CPNE4: variants seen among roughly 807,000 people sequenced by gnomAD.
The protein encoded by CPNE4 is copine 4, also known as copine-4.
A neutral mutation model predicts 67.9 loss-of-function variants in CPNE4; 25 were observed. The ratio of observed to expected loss-of-function variants is 0.37; its 90% CI spans 0.27 to 0.51. The LOEUF (loss-of-function observed/expected upper bound fraction) is 0.51. Among genes scored for constraint, CPNE4 ranks in the 20% least tolerant of loss-of-function variants. CPNE4 has a pLI of 0.93. For synonymous variants in CPNE4, 242 were observed against 244.9 expected (o/e 0.99, Z 0.11); for missense variants, 464 against 690.8 (o/e 0.67, Z 3.68).
chr3:131,953,250 A>AT (rs1181307950), intron 1 of CPNE4, among the ~76,000 whole-genome samples: 22 of 141,872 alleles, frequency 1.6e-4, no homozygotes, highest in African/African-American at 5.5e-4. Context: ...AAAAAAAAAA[A>AT]AAAAAAAAAA....
At chr3:131,917,986 G>C (rs375817452) in intron 1 of CPNE4, among the ~76,000 whole-genome samples, 8 of 152,324 alleles carry the variant, frequency 5.3e-5, no homozygotes, top group East Asian at 1.9e-4. Flanking sequence ...TCACAGGCAA[G>C]AGTAATACTC....
chr3:131,803,758 T>G (rs2084214625), intron 2 of CPNE4, among the ~76,000 whole-genome samples: 1 of 152,186 alleles, frequency 6.6e-6, no homozygotes, highest in Admixed American at 6.5e-5. Flanking sequence ...CATAAGGAAC[T>G]AGTGACAATA....
rs559045866 is a variant in CPNE4 at position 131,859,764 on chromosome 3, T to C, written c.180+45500A>G. On this transcript the variant is annotated intron_variant, in intron 2 of 15. Transcript: ENST00000429747. ...GACAAGTGTCCCTGGATTCAGTCTA[T>C]AATTCTGCTGATACCCAAACGTCTT... is the stretch of plus-strand genomic sequence containing the variant. 7.9e-5 allele frequency among the ~76,000 whole-genome samples: 12 copies of C among 152,330 alleles called. No homozygotes were observed. The South Asian group carries it at 2.5e-3, about 32-fold the overall frequency.
At chr3:131,549,914 C>T (rs367889643) in intron 14 of CPNE4, 33 bp downstream of exon 14, 12 of 1,609,980 alleles carry the variant, frequency 7.5e-6, no homozygotes, top group Admixed American at 1.7e-5. Flanking sequence ...GAAGAGTAAG[C>T]TCCCCTTAGG....
At chr3:131,717,878 CTTT>C (rs1560172637) in intron 3 of CPNE4, among the ~76,000 whole-genome samples, 406 of 26,166 alleles carry the variant, frequency 0.016, 39 homozygotes, top group South Asian at 0.092. Context: ...TCTTTCTTTT[CTTT>C]CTTTCTTTCT....
At chr3:131,695,889 G>A (rs2081144815) in intron 5 of CPNE4, among the ~76,000 whole-genome samples, 1 of 152,156 alleles carries the variant, frequency 6.6e-6, no homozygotes, top group Non-Finnish European at 1.5e-5. Context: ...ACATTCTATT[G>A]TGGATATATT....
intron 2 of CPNE4, among the ~76,000 whole-genome samples, chr3:131,772,417 T>C (rs1474792359): frequency 6.6e-6 from 1 of 152,280 alleles, no homozygotes; most frequent in Non-Finnish European, 1.5e-5. Flanking sequence ...TCAGACAGTG[T>C]GTACAGAATG....
At chr3:131,810,643 A>G (rs1481441002) in intron 2 of CPNE4, among the ~76,000 whole-genome samples, 2 of 152,156 alleles carry the variant, frequency 1.3e-5, no homozygotes, top group Non-Finnish European at 2.9e-5. Context: ...TAACAAATTA[A>G]AAATAGATTT....
chr3:131,956,738 C>T (rs9831435), intron 1 of CPNE4, among the ~76,000 whole-genome samples: 107,686 of 152,006 alleles, frequency 0.71, 38,336 homozygotes, highest in Admixed American at 0.81. Context: ...AAAGTTGTAG[C>T]CTTGAATCTT....
intron 7 of CPNE4, among the ~76,000 whole-genome samples, chr3:131,596,692 T>A (rs1938896510): frequency 1.4e-5 from 2 of 147,066 alleles, no homozygotes; most frequent in Admixed American, 1.4e-4. Context: ...TGGATGGGCC[T>A]GATACAATTA....
intron 2 of CPNE4, among the ~76,000 whole-genome samples, chr3:131,842,606 T>C (rs768715392): frequency 7.2e-5 from 11 of 151,956 alleles, no homozygotes; most frequent in Non-Finnish European, 1.5e-4. Flanking sequence ...TACACCAACA[T>C]GATTGTGTTA....
At chr3:131,628,794 CTTT>C (rs1437145183) in intron 7 of CPNE4, among the ~76,000 whole-genome samples, 2 of 152,108 alleles carry the variant, frequency 1.3e-5, no homozygotes, top group Admixed American at 6.5e-5. Context: ...CTCTTTTCTT[CTTT>C]ATTAGTCTTG....
intron 2 of CPNE4, among the ~76,000 whole-genome samples, chr3:131,875,977 A>G (rs2087428405): frequency 6.6e-6 from 1 of 152,200 alleles, no homozygotes; most frequent in South Asian, 2.1e-4. Context: ...TTTTCATTGT[A>G]AATACTCAGT....
chr3:131,697,175 A>G (rs1242336222), intron 4 of CPNE4, among the ~76,000 whole-genome samples: 1 of 152,238 alleles, frequency 6.6e-6, no homozygotes, highest in Non-Finnish European at 1.5e-5. Flanking sequence ...AGATTTTGGT[A>G]TAAGTGAAGA....
At chr3:131,607,272 G>T (rs944759974) in intron 7 of CPNE4, among the ~76,000 whole-genome samples, 3 of 151,186 alleles carry the variant, frequency 2.0e-5, no homozygotes, top group Non-Finnish European at 4.4e-5. Context: ...GATTTTGGCA[G>T]TGTTAAGCAG....
Position 131,564,230 on chromosome 3 carries a change from G to A in CPNE4, c.1047C>T (p.Cys349=), listed in dbSNP as rs1198749736. Residue 349 remains cysteine (C), a synonymous_variant, in exon 11 of 16, where the codon TGC becomes TGT. Transcript: ENST00000429747. The part of the protein sequence containing the change: ...LKALVAVGEI[C]QDYDSDKMFP... ...AAGCCTCTTACCTGTCATAGTCTTG[G>A]CAAATCTCCCCCACAGCTACCAAAG... 6.2e-7 allele frequency: 1 copy of A among 1,612,868 alleles called. No homozygotes were observed. Among genetic ancestry groups the A allele is most frequent in the Middle Eastern group, 1.7e-4 (1 of 6,050 alleles).
intron 2 of CPNE4, among the ~76,000 whole-genome samples, chr3:131,759,615 A>G (rs1349797496): frequency 1.1e-4 from 3 of 27,986 alleles, no homozygotes; most frequent in African/African-American, 2.2e-4. Flanking sequence ...CAAGAAAAAA[A>G]AGTGTAGTGG....
intron 2 of CPNE4, among the ~76,000 whole-genome samples, chr3:131,872,486 T>C (rs1203938805): frequency 6.6e-6 from 1 of 152,204 alleles, no homozygotes; most frequent in South Asian, 2.1e-4. Context: ...AGGGTCAGCC[T>C]GTTTGTTCTA....
At chr3:131,631,335 G>A (rs188182056) in intron 7 of CPNE4, among the ~76,000 whole-genome samples, 3 of 152,172 alleles carry the variant, frequency 2.0e-5, no homozygotes, top group East Asian at 1.9e-4. Context: ...ATGTCTCTCC[G>A]GGGATTTTTG....
Sources: allele counts gnomAD v4.1 joint callset (sites outside exome capture counted in the v4.1 genomes callset), GRCh38; gene constraint gnomAD v4.1.1; transcripts MANE v1.5; gene names NCBI Gene and HGNC (gene_info 2026-07-23, HGNC 2026-07-21).